Variants in EGLN1 observed in about 807,000 individuals in gnomAD.
The protein encoded by EGLN1 is egl nine homolog 1.
A neutral mutation model predicts 38.3 loss-of-function variants in EGLN1; 17 were observed. The observed-to-expected ratio is 0.44, with a 90% CI of 0.30 to 0.67. The LOEUF (loss-of-function observed/expected upper bound fraction) is 0.67, where lower values mean the gene tolerates loss of function less well. EGLN1 is among the 30% of genes least tolerant of loss of function. The probability of loss-of-function intolerance (pLI) is 0.08; values close to 1 mark genes in which losing one functional copy is unlikely to be tolerated. For missense variants in EGLN1, 477 were observed against 603.3 expected (o/e 0.79, Z 2.19); for synonymous variants, 283 against 257.5 (o/e 1.10, Z -0.95).
chr1:231,392,895 C>G (rs149599423), intron 1 of EGLN1, among the ~76,000 whole-genome samples: 1 of 152,170 alleles, frequency 6.6e-6, no homozygotes. Context: ...CTTGGGAAAG[C>G]CTGACCTGTA....
chr1:231,416,898 A>G (rs985428961), intron 1 of EGLN1, among the ~76,000 whole-genome samples: 1 of 152,236 alleles, frequency 6.6e-6, no homozygotes, highest in African/African-American at 2.4e-5. Flanking sequence ...AAATTCTGAC[A>G]TAGTTATAAA....
At chr1:231,420,019 G>C (rs936083831) in intron 1 of EGLN1, among the ~76,000 whole-genome samples, 1 of 152,170 alleles carries the variant, frequency 6.6e-6, no homozygotes, top group African/African-American at 2.4e-5. Context: ...ATCAAGATCT[G>C]AGAAGTAAAA....
At chr1:231,385,449 G>C (rs771693504) in intron 1 of EGLN1, among the ~76,000 whole-genome samples, 1 of 152,216 alleles carries the variant, frequency 6.6e-6, no homozygotes, top group Non-Finnish European at 1.5e-5. Context: ...GAAAGAGTAT[G>C]AATTAGCCAG....
At chr1:231,369,623 C>T (rs1468032613) in intron 3 of EGLN1, 1 of 983,818 alleles carries the variant, frequency 1.0e-6, no homozygotes, top group Non-Finnish European at 1.2e-6. Context: ...ATGCAGGCAA[C>T]ACACCTCAGA....
intron 1 of EGLN1, among the ~76,000 whole-genome samples, chr1:231,395,416 CAA>C (rs3071918): frequency 0.54 from 82,459 of 151,632 alleles, 24,001 homozygotes; most frequent in Non-Finnish European, 0.65. Context: ...CAGTAAGAGC[CAA>C]ACCACTTAGT....
chr1:231,410,624 G>A (rs1688913656), intron 1 of EGLN1, among the ~76,000 whole-genome samples: 1 of 151,854 alleles, frequency 6.6e-6, no homozygotes, highest in Non-Finnish European at 1.5e-5. Flanking sequence ...TAGAAATATA[G>A]ATGTTCAAGT....
intron 1 of EGLN1, among the ~76,000 whole-genome samples, chr1:231,405,496 A>G (rs1688765809): frequency 6.6e-6 from 1 of 152,150 alleles, no homozygotes; most frequent in Admixed American, 6.5e-5. Context: ...ACTTTTTTAA[A>G]AAGTCTTTTA....
At chr1:231,384,341 AAG>A (rs1055953161) in intron 1 of EGLN1, among the ~76,000 whole-genome samples, 2 of 152,166 alleles carry the variant, frequency 1.3e-5, no homozygotes, top group Admixed American at 6.5e-5. Context: ...CAGGAAAAGA[AAG>A]AGAAAAAATT....
rs971966195 is a variant in EGLN1 at position 231,392,242 on chromosome 1, G to A, written c.892-18143C>T. Among the ~76,000 whole-genome samples the A allele has an allele frequency of 1.2e-4, 19 of 152,104 alleles. 1 individual carries two copies. The South Asian group carries it at 2.1e-3, about 17-fold the overall frequency. On this transcript the variant is annotated intron_variant, in intron 1 of 4. Coordinates refer to ENST00000366641, the MANE Select transcript of EGLN1 (RefSeq NM_022051.3). Reference sequence around the variant, plus strand: ...GTGGAGCTTGCAGTTAGCCGAGATCGCGCCACTGCACTCCAGCCTGGGCGA... The same window carrying A: ...GTGGAGCTTGCAGTTAGCCGAGATCACGCCACTGCACTCCAGCCTGGGCGA...
chr1:231,391,133 T>TGTGTGTGTGA (rs1255328703), intron 1 of EGLN1, among the ~76,000 whole-genome samples: 26 of 56,830 alleles, frequency 4.6e-4, no homozygotes, highest in African/African-American at 9.8e-4. Flanking sequence ...TGTGTGTGTG[T>TGTGTGTGTGA]GAGACAGGGA....
intron 1 of EGLN1, among the ~76,000 whole-genome samples, chr1:231,397,987 T>C (rs2102922647): frequency 6.6e-6 from 1 of 152,278 alleles, no homozygotes; most frequent in Middle Eastern, 3.4e-3. Context: ...CCACAGTATA[T>C]AGGACTGTAT....
rs1293064107 is a variant in EGLN1 at position 231,421,506 on chromosome 1, C to A, written c.383G>T (p.Arg128Leu). The A allele has an allele frequency of 2.3e-6, 3 of 1,317,884 alleles. No homozygotes were observed. Among genetic ancestry groups the A allele is most frequent in the Non-Finnish European group, 1.9e-6 (2 of 1,034,902 alleles). 81.6% of individuals were successfully genotyped at this position (1,317,884 alleles called of 1,614,324 possible). Residue 128 changes from arginine (R) to leucine (L), a missense_variant, in exon 1 of 5, where the codon CGT (arginine) becomes CTT (leucine). This residue lies in a region of EGLN1 where 298 missense variants were observed against 288.9 expected (regional missense o/e 1.03). Coordinates refer to ENST00000366641, the MANE Select transcript of EGLN1 (RefSeq NM_022051.3). This position sits in a 1 kb window ranked among gnomAD's most constrained non-coding sequence, Gnocchi z 5.5. ...CGAGCCCTGGCCGCCGGCGGCCGCA[C>A]GACACGGCGACGCGGCCGCCGCTGG... ...ADPAAAASPC[R>L]AAAGGQGSAV... is the part of the protein sequence containing the mutation.
chr1:231,399,642 A>G (rs1450152399), intron 1 of EGLN1, among the ~76,000 whole-genome samples: 2 of 152,170 alleles, frequency 1.3e-5, no homozygotes, highest in African/African-American at 4.8e-5. Context: ...AGTGCTTTAC[A>G]TATATTAGCT....
Position 231,422,179 on chromosome 1 carries a change from T to G in EGLN1, c.-291A>C. On this transcript the variant is annotated 5_prime_UTR_variant, in exon 1 of 5. Transcript: ENST00000366641. Reference sequence around the variant, plus strand: ...CAACCTGGGCTCAGGCGCGCGGGCCTGGGGAGCGCAAGACCGGCCCCCTCG... The same window carrying G: ...CAACCTGGGCTCAGGCGCGCGGGCCGGGGGAGCGCAAGACCGGCCCCCTCG... 1 of 230,488 alleles carries G rather than the reference T, an allele frequency of 4.3e-6. No individual in the cohort carries two copies. The highest frequency in any genetic ancestry group is 1.2e-4 in the South Asian group (1 of 8,538). The allele number at this position is 230,488 out of a possible 1,614,324, so 14.3% of individuals were successfully genotyped here.
intron 1 of EGLN1, among the ~76,000 whole-genome samples, chr1:231,374,840 G>C (rs1687918231): frequency 6.6e-6 from 1 of 151,998 alleles, no homozygotes; most frequent in Non-Finnish European, 1.5e-5. Context: ...CTTTCAATCA[G>C]AAAGAAAATT....
chr1:231,403,499 A>G (rs2486727), intron 1 of EGLN1, among the ~76,000 whole-genome samples: 87,746 of 151,854 alleles, frequency 0.58, 26,145 homozygotes, highest in Non-Finnish European at 0.65. Flanking sequence ...GGCTGGGTGC[A>G]GTGGCTCATG....
Position 231,364,842 on chromosome 1 carries a change from C to T in EGLN1, c.*1569G>A, listed in dbSNP as rs1338819734. ...CCATAATTCACGCAAAATATGGATA[C>T]CACCCTTTAGGTTTTGCTAAAAAGC... On this transcript the variant is annotated 3_prime_UTR_variant, in exon 5 of 5. Transcript: ENST00000366641. 2.0e-5 allele frequency: 3 copies of T among 152,270 alleles called. No individual in the cohort carries two copies. The highest frequency in any genetic ancestry group is 7.2e-5 in the African/African-American group (3 of 41,544). The allele number at this position is 152,270 out of a possible 1,614,324, so 9.4% of individuals were successfully genotyped here.
intron 1 of EGLN1, among the ~76,000 whole-genome samples, chr1:231,386,900 C>G (rs1194791738): frequency 1.3e-5 from 2 of 152,150 alleles, no homozygotes; most frequent in African/African-American, 2.4e-5. Flanking sequence ...CATTCTGTCA[C>G]TTAGGCTAGG....
At chr1:231,406,373 C>T (rs1688796062) in intron 1 of EGLN1, among the ~76,000 whole-genome samples, 1 of 151,976 alleles carries the variant, frequency 6.6e-6, no homozygotes, top group Non-Finnish European at 1.5e-5. Context: ...ATCTAGAATT[C>T]TAAAGCAAGA....
Sources: gnomAD v4.1 joint callset for allele counts (sites outside exome capture counted in the v4.1 genomes callset) on GRCh38, gnomAD v4.1.1 for gene constraint, gnomAD v4.1.1 regional missense constraint, Gnocchi (gnomAD v3.1) non-coding constraint, MANE v1.5 for transcripts, NCBI Gene and HGNC (gene_info 2026-07-23, HGNC 2026-07-21) for gene names.